VMP1: variants seen among roughly 807,000 people sequenced by gnomAD.
VMP1 encodes the protein ectopic P-granules autophagy protein 3 homolog.
In VMP1, 11 loss-of-function variants were observed where a neutral mutation model predicts 56.0. The ratio of observed to expected loss-of-function variants is 0.20; its 90% confidence interval spans 0.12 to 0.32. VMP1 has a LOEUF of 0.32. VMP1 is among the 10% of genes least tolerant of loss of function. The pLI is 1.00. For synonymous variants in VMP1, 149 were observed against 165.0 expected (o/e 0.90, Z 0.74); for missense variants, 296 against 490.3 (o/e 0.60, Z 3.74).
intron 6 of VMP1, among the ~76,000 whole-genome samples, chr17:59,769,469 GT>G (rs2036352368): frequency 6.6e-6 from 1 of 152,154 alleles, no homozygotes; most frequent in Admixed American, 6.5e-5. Flanking sequence ...TTGACAAAAT[GT>G]TTTTTCCCTA....
chr17:59,773,149 A>T, intron 6 of VMP1, among the ~76,000 whole-genome samples: 1 of 151,478 alleles, frequency 6.6e-6, no homozygotes, highest in Non-Finnish European at 1.5e-5. Context: ...TTTAGTAGAG[A>T]TGGGGTTTCA....
At chr17:59,832,547 T>A (rs1411965027) in intron 10 of VMP1, among the ~76,000 whole-genome samples, 1 of 151,508 alleles carries the variant, frequency 6.6e-6, no homozygotes, top group Non-Finnish European at 1.5e-5. Flanking sequence ...CTACTTTATG[T>A]TCTTCTATGT....
At chr17:59,828,072 C>G (rs2038698403) in intron 10 of VMP1, among the ~76,000 whole-genome samples, 1 of 150,740 alleles carries the variant, frequency 6.6e-6, no homozygotes, top group African/African-American at 2.4e-5. Flanking sequence ...TCTATAAATG[C>G]AATCAGTTGA....
rs370099548 is a variant in VMP1 at position 59,827,470 on chromosome 17, C to A, written c.974+9697C>A. Among the ~76,000 whole-genome samples, 45 of 152,120 alleles carry A rather than the reference C, an allele frequency of 3.0e-4. No homozygotes were observed. In the South Asian group the frequency reaches 7.9e-3, roughly 27 times the overall value. ...CAGCTAAGACTACAGGCATGCACCA[C>A]CACCCCCAGCTAATTTTTGTATTTT... On this transcript the variant is annotated intron_variant, in intron 10 of 11. Coordinates refer to ENST00000262291, the MANE Select transcript of VMP1 (RefSeq NM_030938.5).
At chr17:59,831,220 G>A (rs1234280709) in intron 10 of VMP1, among the ~76,000 whole-genome samples, 1 of 152,122 alleles carries the variant, frequency 6.6e-6, no homozygotes, top group Admixed American at 6.6e-5. Context: ...CACCAAGGGT[G>A]GAGTGCAGTG....
chr17:59,815,098 A>G (rs889142181), intron 9 of VMP1, among the ~76,000 whole-genome samples: 1 of 151,992 alleles, frequency 6.6e-6, no homozygotes, highest in African/African-American at 2.4e-5. Context: ...TTTAATAAAT[A>G]TTGCTATTTT....
chr17:59,758,940 G>A (rs1371214409), intron 5 of VMP1, among the ~76,000 whole-genome samples: 1 of 151,674 alleles, frequency 6.6e-6, no homozygotes, highest in Non-Finnish European at 1.5e-5. Flanking sequence ...CAAAAAATTA[G>A]CCAGGCGTGG....
chr17:59,754,428 T>C lies in VMP1; in HGVS notation c.415-10543T>C, dbSNP rs545455222. On this transcript the variant is annotated intron_variant, in intron 5 of 11. Coordinates refer to ENST00000262291, the MANE Select transcript of VMP1 (RefSeq NM_030938.5). Reference sequence around the variant, plus strand: ...GTTGAAATAAAATAGTGAAATAGTTTCAGTAAGTGAAATATTGTAGTAGTT... The same window carrying C: ...GTTGAAATAAAATAGTGAAATAGTTCCAGTAAGTGAAATATTGTAGTAGTT... 1.6e-4 allele frequency among the ~76,000 whole-genome samples: 25 copies of C among 152,318 alleles called. 1 individual carries two copies. In the East Asian group the frequency reaches 4.6e-3, roughly 28 times the overall value.
At chr17:59,819,364 A>T (rs1197260093) in intron 10 of VMP1, among the ~76,000 whole-genome samples, 1 of 152,082 alleles carries the variant, frequency 6.6e-6, no homozygotes, top group Admixed American at 6.6e-5. Flanking sequence ...GCTGGTGTCA[A>T]ACTCCTGGTT....
chr17:59,772,950 C>CTTTTTTTTTTTTTTTTTTTT lies in VMP1; in HGVS notation c.583-793_583-774dup, dbSNP rs1179269248. ...TATCTAACACATATACTGGTGAATT[C>CTTTTTTTTTTTTTTTTTTTT]TTTTTTTTTTTTTTTTTTTTTTTTT... On this transcript the variant is annotated intron_variant, in intron 6 of 11. Transcript: ENST00000262291. Among the ~76,000 whole-genome samples the CTTTTTTTTTTTTTTTTTTTT allele has an allele frequency of 6.6e-4, 37 of 55,718 alleles. 7 individuals carry two copies. Among genetic ancestry groups the CTTTTTTTTTTTTTTTTTTTT allele is most frequent in the African/African-American group, 8.6e-4 (11 of 12,784 alleles). 36.6% of individuals were successfully genotyped at this position (55,718 alleles called of 152,430 possible).
chr17:59,733,545 A>C (rs577016225), intron 2 of VMP1, among the ~76,000 whole-genome samples: 22 of 151,772 alleles, frequency 1.4e-4, no homozygotes, highest in Non-Finnish European at 2.8e-4. Flanking sequence ...TAAAAATACA[A>C]AAAAAAACTA....
intron 1 of VMP1, among the ~76,000 whole-genome samples, chr17:59,710,756 G>A (rs1204135094): frequency 1.3e-5 from 2 of 152,178 alleles, no homozygotes; most frequent in African/African-American, 2.4e-5. Context: ...CGTGTCTACT[G>A]TGAATGTTGT....
chr17:59,825,012 A>G (rs1472176398), intron 10 of VMP1, among the ~76,000 whole-genome samples: 1 of 151,502 alleles, frequency 6.6e-6, no homozygotes. Context: ...GGCGAGACCC[A>G]AAGTCAGGTG....
chr17:59,817,857 T>G, intron 10 of VMP1, 84 bp downstream of exon 10: 1 of 1,088,088 alleles, frequency 9.2e-7, no homozygotes. Flanking sequence ...TGAAATAGAA[T>G]TTTTGACATA....
chr17:59,710,089 C>T (rs1022834588), intron 1 of VMP1, among the ~76,000 whole-genome samples: 2 of 151,972 alleles, frequency 1.3e-5, no homozygotes, highest in African/African-American at 4.8e-5. Context: ...CCCAGCTACT[C>T]CGGAGGCTGA....
At chr17:59,801,108 ATATATGTGTGTGTGTG>A (rs1170596732) in intron 7 of VMP1, among the ~76,000 whole-genome samples, 8 of 127,048 alleles carry the variant, frequency 6.3e-5, no homozygotes, top group African/African-American at 3.2e-4. Context: ...ATATATATAT[ATATATGTGTGTGTGTG>A]TGTGTGTGTG....
intron 6 of VMP1, among the ~76,000 whole-genome samples, chr17:59,766,371 G>A (rs2036231671): frequency 6.6e-6 from 1 of 152,078 alleles, no homozygotes; most frequent in South Asian, 2.1e-4. Context: ...GGGCGTGGTG[G>A]CGCATACCTG....
At chr17:59,805,928 C>A (rs1019962238) in intron 7 of VMP1, among the ~76,000 whole-genome samples, 1 of 152,048 alleles carries the variant, frequency 6.6e-6, no homozygotes, top group African/African-American at 2.4e-5. Context: ...TGAATACAAT[C>A]TTCCCTCTCT....
At chr17:59,739,299 C>T (rs2035125893) in intron 5 of VMP1, among the ~76,000 whole-genome samples, 1 of 152,204 alleles carries the variant, frequency 6.6e-6, no homozygotes, top group South Asian at 2.1e-4. Flanking sequence ...TGAGAAATGT[C>T]TTCCCTTACA....
Sources: gnomAD v4.1 joint callset for allele counts (sites outside exome capture counted in the v4.1 genomes callset) on GRCh38, gnomAD v4.1.1 for gene constraint, MANE v1.5 for transcripts, NCBI Gene and HGNC (gene_info 2026-07-23, HGNC 2026-07-21) for gene names.